ATP13A1: variants seen among roughly 807,000 people sequenced by gnomAD.
The protein encoded by ATP13A1 is endoplasmic reticulum transmembrane helix translocase.
In ATP13A1, 55 loss-of-function variants were observed where a neutral mutation model predicts 134.8. That is an observed-to-expected ratio of 0.41 (90% confidence interval 0.33 to 0.51). The LOEUF (loss-of-function observed/expected upper bound fraction) is 0.51, where lower values mean the gene tolerates loss of function less well. ATP13A1 is among the 20% of genes least tolerant of loss of function. The pLI is 0.29. For synonymous variants in ATP13A1, 775 were observed against 725.1 expected, an observed-to-expected ratio of 1.07 and a Z score of -1.10; for missense variants, 1,389 against 1,652.8, an observed-to-expected ratio of 0.84 and a Z score of 2.77.
intron 3 of ATP13A1, 128 bp downstream of exon 3, chr19:19,659,473 T>G: frequency 2.0e-6 from 1 of 500,664 alleles, no homozygotes; most frequent in Non-Finnish European, 3.1e-6. Flanking sequence ...AAAAATAAAA[T>G]AAAAATAAAA....
In ATP13A1 at chr19:19,657,144, G is replaced by A. The variant is rs1164197570; in HGVS notation, c.756C>T (p.Phe252=). The change falls in exon 5 of 26, where the codon TTC becomes TTT. Residue 252 remains phenylalanine (F), a synonymous_variant. Coordinates refer to ENST00000357324, the MANE Select transcript of ATP13A1 (RefSeq NM_020410.3). The part of the protein sequence containing the change: ...ATAPFFVFQV[F]CVGLWCLDEY... Reference sequence around the variant, plus strand: ...CATCCAGGCACCAGAGCCCCACACAGAACACCTGTGGGATACCAGCCTGTC... The same window carrying A: ...CATCCAGGCACCAGAGCCCCACACAAAACACCTGTGGGATACCAGCCTGTC... The A allele has an allele frequency of 6.6e-7, 1 of 1,506,064 alleles. No homozygotes were observed. The highest frequency in any genetic ancestry group is 8.9e-7 in the Non-Finnish European group (1 of 1,128,034). The allele number at this position is 1,506,064 out of a possible 1,614,324, so 93.3% of individuals were successfully genotyped here. A position where few individuals can be genotyped will look rare whatever the true frequency, so the allele number is the denominator to read the frequency against.
At position 19,655,437 on chromosome 19, in the gene ATP13A1, G is replaced by T. The variant is rs2062051038; in HGVS notation, c.1413C>A (p.Ser471Arg). ...YVWIEGTKDP[S>R]RNRYKLFLEC... The stretch of plus-strand genomic sequence containing the variant: ...CCAGAAACAGCTTGTAGCGGTTCCG[G>T]CTGGGGTCCTTGGTACCTGTGGAGA... Residue 471 changes from serine to arginine, a missense_variant, in exon 11 of 26, where the codon AGC becomes AGA. Around this residue, in one of 4 missense-constraint regions of ATP13A1, gnomAD observed 747 missense variants for 956.1 expected, o/e 0.78. Transcript: ENST00000357324. This position sits in a 1 kb window ranked among gnomAD's most constrained non-coding sequence, Gnocchi z 5.7. 6.2e-7 allele frequency: 1 copy of T among 1,614,026 alleles called. No individual in the cohort carries two copies. The highest frequency in any genetic ancestry group is 1.3e-5 in the African/African-American group (1 of 75,052).
chr19:19,647,136 C>A lies in ATP13A1; in HGVS notation c.3098G>T (p.Arg1033Leu). 1 of 1,611,524 alleles carries A rather than the reference C, an allele frequency of 6.2e-7. No homozygotes were observed. Among genetic ancestry groups the A allele is most frequent in the Non-Finnish European group, 8.5e-7 (1 of 1,178,612 alleles). Residue 1033 changes from arginine to leucine, a missense_variant, in exon 22 of 26, where the codon CGT becomes CTT. Physicochemically the swap from Arg to Leu is moderately radical, Grantham distance 102 (BLOSUM62 -2). Around this residue, in one of 4 missense-constraint regions of ATP13A1, gnomAD observed 228 missense variants for 321.0 expected, o/e 0.71. Transcript: ENST00000357324. The surrounding 1 kb of genome is among the most constrained non-coding windows in gnomAD (Gnocchi z 4.8). ...LLAGCFLFIS[R>L]SKPLKTLSRE... Reference sequence around the variant, plus strand: ...AGCACCTCTGGGGCCCACCTTGGAACGGGAGATGAAGAGGAAGCAGCCGGC... The same window carrying A: ...AGCACCTCTGGGGCCCACCTTGGAAAGGGAGATGAAGAGGAAGCAGCCGGC...
At chr19:19,649,348 G>GT (rs2062009119) in intron 19 of ATP13A1, among the ~76,000 whole-genome samples, 1 of 152,172 alleles carries the variant, frequency 6.6e-6, no homozygotes, top group Non-Finnish European at 1.5e-5. Context: ...CTCCCAACTT[G>GT]TTGCCTCTCT....
intron 16 of ATP13A1, among the ~76,000 whole-genome samples, chr19:19,652,341 T>C (rs759407177): frequency 6.6e-6 from 1 of 151,836 alleles, no homozygotes; most frequent in Non-Finnish European, 1.5e-5. Context: ...AACGGGGAAG[T>C]GGAGAGAAGT....
Position 19,645,398 on chromosome 19 carries a change from G to T in ATP13A1, c.*24C>A. ...TCCCGCCCAGCGGCAGCCAGGGTGG[G>T]CAGTGGGTACCAGCACTGCCATCTC... On this transcript the variant is annotated 3_prime_UTR_variant, in exon 26 of 26. Coordinates refer to ENST00000357324, the MANE Select transcript of ATP13A1 (RefSeq NM_020410.3). This position sits in a 1 kb window ranked among gnomAD's most constrained non-coding sequence, Gnocchi z 4.1. 2 of 1,575,104 alleles carry T rather than the reference G, an allele frequency of 1.3e-6. 1 individual carries two copies. The highest frequency in any genetic ancestry group is 2.3e-5 in the South Asian group (2 of 86,384).
rs371826884 is a variant in ATP13A1 at position 19,655,089 on chromosome 19, G to A, written c.1655+30C>T. On this transcript the variant is annotated intron_variant, in intron 12 of 25. Transcript: ENST00000357324. The surrounding 1 kb of genome is among the most constrained non-coding windows in gnomAD (Gnocchi z 5.7). ...GACTTCCCAGAAACCCCATCTGGGTGACCTTTGCTGCAGGGCCCCTGATGC... is the reference window on the plus strand; with the variant it reads ...GACTTCCCAGAAACCCCATCTGGGTAACCTTTGCTGCAGGGCCCCTGATGC... 5 of 1,612,150 alleles carry A rather than the reference G, an allele frequency of 3.1e-6. No individual in the cohort carries two copies. In the African/African-American group the frequency reaches 6.7e-5, roughly 22 times the overall value.
Position 19,655,237 on chromosome 19 carries a change from T to C in ATP13A1, c.1537A>G (p.Met513Val), listed in dbSNP as rs1194428626. ...ATCCGGAAGGGCTCTGTGCAGTACA[T>C]GTCTAGGGGCGGGAGTGAGGTCAGG... ...TSLIALAKLY[M>V]YCTEPFRIPF... Residue 513 changes from methionine to valine, a missense_variant and splice_region_variant, in exon 12 of 26, where the codon ATG becomes GTG. Transcript: ENST00000357324. This position sits in a 1 kb window ranked among gnomAD's most constrained non-coding sequence, Gnocchi z 5.7. 2 of 1,613,950 alleles carry C rather than the reference T, an allele frequency of 1.2e-6. No homozygotes were observed.
In ATP13A1 at chr19:19,654,695, C is replaced by G. The variant is rs1453665156; in HGVS notation, c.1661G>C (p.Gly554Ala). ...GCTGGACACTGGGGTCACCTCCTTC[C>G]CGTCTCTGCAAGGTCGGGGAACAGC... The part of the protein sequence containing the change: ...VVRGVAGLRD[G>A]KEVTPVSSIP... Residue 554 changes from glycine to alanine, a missense_variant, in exon 13 of 26, where the codon GGG becomes GCG. Transcript: ENST00000357324. 6.2e-7 allele frequency: 1 copy of G among 1,611,428 alleles called. No individual in the cohort carries two copies. Among genetic ancestry groups the G allele is most frequent in the South Asian group, 1.1e-5 (1 of 90,998 alleles).
intron 23 of ATP13A1, 26 bp from the exon 24 acceptor site, chr19:19,646,011 C>A: frequency 1.2e-6 from 2 of 1,607,856 alleles, no homozygotes; most frequent in Non-Finnish European, 1.7e-6. Context: ...GGAGTCAGGG[C>A]CCCCTCTCCT....
Position 19,655,571 on chromosome 19 carries a change from G to C in ATP13A1, c.1353C>G (p.Leu451=). ...NLETFIFILF[L]LVFAIAAAAY... Reference sequence around the variant, plus strand: ...CAGCTGCAGCGATGGCAAACACCAGGAGGAAGAGGATGAAGATGAAGGTCT... The same window carrying C: ...CAGCTGCAGCGATGGCAAACACCAGCAGGAAGAGGATGAAGATGAAGGTCT... The change falls in exon 10 of 26, where the codon CTC becomes CTG. Residue 451 remains leucine, a synonymous_variant. Transcript: ENST00000357324. This position sits in a 1 kb window ranked among gnomAD's most constrained non-coding sequence, Gnocchi z 5.7. The C allele has an allele frequency of 6.2e-7, 1 of 1,613,994 alleles. No homozygotes were observed. Among genetic ancestry groups the C allele is most frequent in the Non-Finnish European group, 8.5e-7 (1 of 1,179,880 alleles).
At position 19,645,844 on chromosome 19, in the gene ATP13A1, G is replaced by A. The variant is rs1324878960; in HGVS notation, c.3360+30C>T. On this transcript the variant is annotated intron_variant, in intron 24 of 25. Coordinates refer to ENST00000357324, the MANE Select transcript of ATP13A1 (RefSeq NM_020410.3). The surrounding 1 kb of genome is among the most constrained non-coding windows in gnomAD (Gnocchi z 4.1). ...TGGGGTGGGGCTGGGTGGGCAGACA[G>A]TGAATGTTTGGGCAGGGCCCAGGCC... is the stretch of plus-strand genomic sequence containing the variant. The A allele has an allele frequency of 6.2e-7, 1 of 1,612,686 alleles. No individual in the cohort carries two copies. The highest frequency in any genetic ancestry group is 1.1e-5 in the South Asian group (1 of 90,936).
In ATP13A1 at chr19:19,656,585, GCCACCCCCTGGGCCT is replaced by G; in HGVS notation, c.1083+60_1083+74del. ...CCGCCTGTGCCTGAGGGGGATCCCC[GCCACCCCCTGGGCCT>G]CCACCTCCTGGCCTGTTTCCTCCTG... On this transcript the variant is annotated intron_variant, in intron 7 of 25. Transcript: ENST00000357324. The surrounding 1 kb of genome is among the most constrained non-coding windows in gnomAD (Gnocchi z 4.6). 6.8e-7 allele frequency: 1 copy of G among 1,469,726 alleles called. No homozygotes were observed. Among genetic ancestry groups the G allele is most frequent in the South Asian group, 1.2e-5 (1 of 81,706 alleles). 91.0% of individuals were successfully genotyped at this position (1,469,726 alleles called of 1,614,324 possible).
In ATP13A1 at chr19:19,655,607, C is replaced by T. The variant is rs745956858; in HGVS notation, c.1317G>A (p.Ala439=). ...TGAAGATGAAGGTCTCCAGGTTGTT[C>T]GCAGTCACCCTCTTGACCCCGAAGA... ...TILFGVKRVT[A]NNLETFIFIL... is the part of the protein sequence containing the mutation. Residue 439 remains alanine, a synonymous_variant, in exon 10 of 26, where the codon GCG becomes GCA. Coordinates refer to ENST00000357324, the MANE Select transcript of ATP13A1 (RefSeq NM_020410.3). This position sits in a 1 kb window ranked among gnomAD's most constrained non-coding sequence, Gnocchi z 5.7. 39 of 1,613,698 alleles carry T rather than the reference C, an allele frequency of 2.4e-5. No individual in the cohort carries two copies. Among genetic ancestry groups the T allele is most frequent in the Admixed American group, 3.3e-5 (2 of 59,970 alleles).
In ATP13A1 at chr19:19,659,979, G is replaced by T; in HGVS notation, c.405C>A (p.Asp135Glu). ...CCTTCACAAAGGTCGCTTTGCTGGG[G>T]TCGTACTCCTGACAGAGACAAAGAA... Reference protein sequence around the residue: ...HCALTCTPEYDPSKATFVKVV... With the variant: ...HCALTCTPEYEPSKATFVKVV... Residue 135 changes from aspartate (D) to glutamate (E), a missense_variant, in exon 2 of 26, where the codon GAC (aspartate) becomes GAA (glutamate). Asp to Glu is a conservative substitution (Grantham distance 45). This residue lies in a region of ATP13A1 where 293 missense variants were observed against 270.8 expected (regional missense o/e 1.08). Coordinates refer to ENST00000357324, the MANE Select transcript of ATP13A1 (RefSeq NM_020410.3). 6.4e-7 allele frequency: 1 copy of T among 1,570,228 alleles called. No individual in the cohort carries two copies. The highest frequency in any genetic ancestry group is 8.6e-7 in the Non-Finnish European group (1 of 1,158,988).
intron 3 of ATP13A1, among the ~76,000 whole-genome samples, chr19:19,659,289 C>T (rs2062079317): frequency 6.6e-6 from 1 of 152,068 alleles, no homozygotes; most frequent in African/African-American, 2.4e-5. Flanking sequence ...ACCCCCATCT[C>T]TACTAAAAAT....
chr19:19,663,528 C>T lies in ATP13A1; in HGVS notation c.139G>A (p.Asp47Asn). Residue 47 changes from aspartate (D) to asparagine (N), a missense_variant, in exon 1 of 26, where the codon GAC becomes AAC. Asp to Asn is a conservative substitution (Grantham distance 23). Transcript: ENST00000357324. ...AAGPALIANG[D>N]ELVAAVWPYR... ...GGCCACACGGCAGCCACCAGCTCGT[C>T]ACCGTTCGCTATGAGCGCCGGCCCG... is the stretch of plus-strand genomic sequence containing the variant. The T allele has an allele frequency of 6.5e-7, 1 of 1,529,964 alleles. No individual in the cohort carries two copies. The highest frequency in any genetic ancestry group is 8.7e-7 in the Non-Finnish European group (1 of 1,144,528). The allele number at this position is 1,529,964 out of a possible 1,614,324, so 94.8% of individuals were successfully genotyped here.
Position 19,654,794 on chromosome 19 carries a change from C to G in ATP13A1, c.1656-94G>C, listed in dbSNP as rs371763965. ...GAAGGACCCCCAAGGCCATTCATTC[C>G]GTGCTTGTCACTGGGGTGGCTTGGG... On this transcript the variant is annotated intron_variant, in intron 12 of 25. Transcript: ENST00000357324. 3.5e-6 allele frequency: 5 copies of G among 1,430,508 alleles called. No individual in the cohort carries two copies. The African/African-American group carries it at 5.7e-5, about 16-fold the overall frequency. The allele number at this position is 1,430,508 out of a possible 1,614,324, so 88.6% of individuals were successfully genotyped here. A position where few individuals can be genotyped will look rare whatever the true frequency, so the allele number is the denominator to read the frequency against.
Position 19,645,615 on chromosome 19 carries a change from A to C in ATP13A1, c.3504+32T>G, listed in dbSNP as rs1342667560. ...GCCATAGGAGGGACCCATCAAGCTG[A>C]GCCCCAGGGTCACCTCCACAGGGCC... On this transcript the variant is annotated intron_variant, in intron 25 of 25. Coordinates refer to ENST00000357324, the MANE Select transcript of ATP13A1 (RefSeq NM_020410.3). The surrounding 1 kb of genome is among the most constrained non-coding windows in gnomAD (Gnocchi z 4.1). The C allele has an allele frequency of 6.4e-7, 1 of 1,561,670 alleles. No homozygotes were observed. Among genetic ancestry groups the C allele is most frequent in the Non-Finnish European group, 8.7e-7 (1 of 1,152,994 alleles).
Sources: gnomAD v4.1 joint callset for allele counts (sites outside exome capture counted in the v4.1 genomes callset) on GRCh38, gnomAD v4.1.1 for gene constraint, gnomAD v4.1.1 regional missense constraint, Gnocchi (gnomAD v3.1) non-coding constraint, MANE v1.5 for transcripts, NCBI Gene and HGNC (gene_info 2026-07-23, HGNC 2026-07-21) for gene names.